The following SPARCL1 variants were observed in gnomAD, a reference collection of about 807,000 sequenced individuals.
The protein encoded by SPARCL1 is SPARC-like protein 1.
In SPARCL1, 52 loss-of-function variants were observed where a neutral mutation model predicts 67.1. The observed-to-expected ratio is 0.78, with a 90% CI of 0.62 to 0.98. The LOEUF (loss-of-function observed/expected upper bound fraction) is 0.98. Ranked by LOEUF, SPARCL1 falls within the 50% of genes least tolerant of loss-of-function variation. The pLI, the probability that SPARCL1 is intolerant of heterozygous loss-of-function variation, is 0.00. For missense variants in SPARCL1, 717 were observed against 782.4 expected (o/e 0.92, Z 1.00); for synonymous variants, 226 against 267.8 (o/e 0.84, Z 1.52).
chr4:87,518,905 T>A (rs756783467), intron 1 of SPARCL1, among the ~76,000 whole-genome samples: 1 of 152,180 alleles, frequency 6.6e-6, no homozygotes, highest in Non-Finnish European at 1.5e-5. Context: ...GTTGGGAGGA[T>A]CCACTGAACT....
chr4:87,498,665 A>G (rs1724720971), intron 2 of SPARCL1, among the ~76,000 whole-genome samples: 2 of 152,172 alleles, frequency 1.3e-5, no homozygotes, highest in Non-Finnish European at 2.9e-5. Context: ...ATATCTGACC[A>G]TGAAGAAGAG....
intron 2 of SPARCL1, among the ~76,000 whole-genome samples, chr4:87,499,033 C>T (rs1350279958): frequency 6.6e-6 from 1 of 152,118 alleles, no homozygotes; most frequent in Non-Finnish European, 1.5e-5. Flanking sequence ...CGCCACCATG[C>T]CCGGCTAATT....
At chr4:87,491,549 A>G in intron 5 of SPARCL1, 69 bp downstream of exon 5, 2 of 1,239,840 alleles carry the variant, frequency 1.6e-6, no homozygotes, top group Non-Finnish European at 2.4e-6. Context: ...ATGGAGGGAC[A>G]AGCCCAAAGT....
chr4:87,492,706 G>A (rs897368100), intron 4 of SPARCL1, among the ~76,000 whole-genome samples: 5 of 152,162 alleles, frequency 3.3e-5, no homozygotes, highest in Admixed American at 1.3e-4. Context: ...AAACTCCTAC[G>A]TTAGAGTGGC....
At chr4:87,489,164 G>A (rs927336036) in intron 7 of SPARCL1, among the ~76,000 whole-genome samples, 2 of 152,198 alleles carry the variant, frequency 1.3e-5, no homozygotes, top group African/African-American at 4.8e-5. Flanking sequence ...AGCTAGCTCG[G>A]TGTCTGCCCA....
At chr4:87,485,342 A>T (rs1173717812) in intron 7 of SPARCL1, among the ~76,000 whole-genome samples, 1 of 152,040 alleles carries the variant, frequency 6.6e-6, no homozygotes, top group East Asian at 1.9e-4. Flanking sequence ...TTTTGTCATT[A>T]GTTCTGTTTA....
intron 10 of SPARCL1, 91 bp from the exon 11 acceptor site, chr4:87,473,894 A>G (rs769137139): frequency 2.4e-5 from 20 of 843,386 alleles, no homozygotes; most frequent in African/African-American, 1.4e-4. Flanking sequence ...TAGAGAAACC[A>G]TCTAATAAGG....
chr4:87,528,523 A>G (rs1250914645), intron 1 of SPARCL1: 2 of 152,198 alleles, frequency 1.3e-5, no homozygotes, highest in Non-Finnish European at 2.9e-5. Context: ...TAATCAAACA[A>G]GAATATAGTA....
At chr4:87,502,886 C>A (rs1163738591) in intron 1 of SPARCL1, among the ~76,000 whole-genome samples, 1 of 152,212 alleles carries the variant, frequency 6.6e-6, no homozygotes, top group Admixed American at 6.5e-5. Context: ...TGATGGGGCA[C>A]CCCAAATGTC....
Position 87,493,765 on chromosome 4 carries a change from G to A in SPARCL1, c.1035C>T (p.Gly345=), listed in dbSNP as rs373342606. 5.3e-5 allele frequency: 85 copies of A among 1,613,892 alleles called. No homozygotes were observed. Among genetic ancestry groups the A allele is most frequent in the Non-Finnish European group, 6.5e-5 (77 of 1,179,904 alleles). ...HGVDDDGDDD[G]DDGGTDGPRH... is the part of the protein sequence containing the mutation. ...TGGGGCCATCAGTGCCGCCATCATC[G>A]CCATCATCATCGCCATCATCATCAA... Residue 345 remains glycine, a synonymous_variant, in exon 4 of 11, where the codon GGC becomes GGT. Transcript: ENST00000282470.
At chr4:87,503,156 C>G (rs1724919090) in intron 1 of SPARCL1, among the ~76,000 whole-genome samples, 1 of 152,160 alleles carries the variant, frequency 6.6e-6, no homozygotes, top group Non-Finnish European at 1.5e-5. Flanking sequence ...ATGGAAGTCC[C>G]CTGGCTGTGC....
chr4:87,514,817 T>G (rs1309821831), intron 1 of SPARCL1, among the ~76,000 whole-genome samples: 1 of 152,200 alleles, frequency 6.6e-6, no homozygotes, highest in Admixed American at 6.5e-5. Context: ...AAATGAGAGA[T>G]ATTTTGAAAA....
chr4:87,499,504 G>A lies in SPARCL1; in HGVS notation c.54+17C>T. ...GTCAGGAGAAAGAGATGTAATAACA[G>A]AAGAAAGGAAATTTACCGGGATTGC... On this transcript the variant is annotated intron_variant, in intron 2 of 10. Coordinates refer to ENST00000282470, the MANE Select transcript of SPARCL1 (RefSeq NM_004684.6). 6.3e-7 allele frequency: 1 copy of A among 1,598,318 alleles called. No homozygotes were observed. Among genetic ancestry groups the A allele is most frequent in the Non-Finnish European group, 8.5e-7 (1 of 1,171,682 alleles).
intron 1 of SPARCL1, among the ~76,000 whole-genome samples, chr4:87,506,031 T>C (rs1438908826): frequency 6.6e-6 from 1 of 152,148 alleles, no homozygotes; most frequent in East Asian, 1.9e-4. Flanking sequence ...TTAGCAGCAT[T>C]CCTGTCCTCT....
At chr4:87,511,318 C>T (rs1725344474) in intron 1 of SPARCL1, among the ~76,000 whole-genome samples, 1 of 152,108 alleles carries the variant, frequency 6.6e-6, no homozygotes, top group Non-Finnish European at 1.5e-5. Context: ...CTCATATGAA[C>T]AACTTAGTAA....
chr4:87,495,759 G>C (rs572195326), intron 2 of SPARCL1, among the ~76,000 whole-genome samples: 1 of 151,996 alleles, frequency 6.6e-6, no homozygotes, highest in Non-Finnish European at 1.5e-5. Context: ...GTGAAACCCC[G>C]TCTCTACTAA....
At chr4:87,516,772 G>A (rs1725599571) in intron 1 of SPARCL1, among the ~76,000 whole-genome samples, 1 of 152,148 alleles carries the variant, frequency 6.6e-6, no homozygotes. Context: ...TTTCTATAAT[G>A]TGTAATTGAG....
At chr4:87,513,486 A>G (rs1230314243) in intron 1 of SPARCL1, among the ~76,000 whole-genome samples, 2 of 152,142 alleles carry the variant, frequency 1.3e-5, no homozygotes, top group African/African-American at 4.8e-5. Flanking sequence ...CTCTCTCCAA[A>G]CTTCATATAT....
rs182148212 is a variant in SPARCL1, at chr4:87,501,292, T to C, written c.-11-1707A>G. Among the ~76,000 whole-genome samples the C allele has an allele frequency of 2.7e-3, 409 of 152,254 alleles. 1 individual carries two copies. The highest frequency in any genetic ancestry group is 2.8e-3 in the Non-Finnish European group (188 of 68,006). On this transcript the variant is annotated intron_variant, in intron 1 of 10. Coordinates refer to ENST00000282470, the MANE Select transcript of SPARCL1 (RefSeq NM_004684.6). ...CCACGCCCTGGTAATCCCCTTTGTC[T>C]TTTTTCTTCTGTTTGATTTCTTGCT... is the stretch of plus-strand genomic sequence containing the variant.
Sources: allele counts gnomAD v4.1 joint callset (sites outside exome capture counted in the v4.1 genomes callset), GRCh38; gene constraint gnomAD v4.1.1; transcripts MANE v1.5; gene names NCBI Gene and HGNC (gene_info 2026-07-23, HGNC 2026-07-21).